NLGN1: variants seen among roughly 807,000 people sequenced by gnomAD.
NLGN1 encodes the protein neuroligin-1.
NLGN1 carries 12 observed loss-of-function variants against 65.5 expected under a neutral mutation model. That is an observed-to-expected ratio of 0.18 (90% CI 0.12 to 0.30). The LOEUF (loss-of-function observed/expected upper bound fraction) is 0.30. Ranked by LOEUF, NLGN1 falls within the 10% of genes least tolerant of loss-of-function variation. The pLI, the probability that NLGN1 is intolerant of heterozygous loss-of-function variation, is 1.00. For synonymous variants in NLGN1, 350 were observed against 359.5 expected (o/e 0.97, Z 0.30); for missense variants, 750 against 1,007.1 (o/e 0.74, Z 3.46).
In NLGN1 at chr3:173,587,338, A is replaced by T. The variant is rs577058821; in HGVS notation, c.-320-16941A>T. 4.6e-4 allele frequency among the ~76,000 whole-genome samples: 5 copies of T among 10,834 alleles called. No individual in the cohort carries two copies. The East Asian group carries it at 0.18, about 394-fold the overall frequency. 7.1% of individuals were successfully genotyped at this position (10,834 alleles called of 152,430 possible). A position where few individuals can be genotyped will look rare whatever the true frequency, so the allele number is the denominator to read the frequency against. On this transcript the variant is annotated intron_variant, in intron 2 of 6. Coordinates refer to ENST00000457714, the Ensembl canonical transcript of NLGN1. The stretch of plus-strand genomic sequence containing the variant: ...TATCCTTTGTTTCTACAAGCAGTAC[A>T]TACACAAAACTTTCAGTAAACTTTG...
intron 3 of NLGN1, among the ~76,000 whole-genome samples, chr3:173,804,336 G>C (rs1298358724): frequency 1.3e-5 from 2 of 152,000 alleles, no homozygotes; most frequent in Admixed American, 6.6e-5. Flanking sequence ...AAAGTCAGTA[G>C]ATGCTGTTTA....
intron 2 of NLGN1, among the ~76,000 whole-genome samples, chr3:173,602,991 C>T (rs937222885): frequency 2.0e-5 from 3 of 152,058 alleles, no homozygotes; most frequent in Admixed American, 2.0e-4. Flanking sequence ...ACATTTATCT[C>T]CTTATAGCCT....
chr3:173,705,556 CTAAT>C (rs954739773), intron 3 of NLGN1, among the ~76,000 whole-genome samples: 5 of 151,978 alleles, frequency 3.3e-5, no homozygotes, highest in Non-Finnish European at 7.4e-5. Context: ...AAGAAATTGG[CTAAT>C]TAAAATGTTG....
At chr3:173,553,297 A>G (rs1223812916) in intron 2 of NLGN1, among the ~76,000 whole-genome samples, 1 of 152,198 alleles carries the variant, frequency 6.6e-6, no homozygotes, top group Non-Finnish European at 1.5e-5. Flanking sequence ...CCAAGACCTA[A>G]GGAAACATCA....
At chr3:174,064,627 T>G (rs958886483) in intron 4 of NLGN1, among the ~76,000 whole-genome samples, 1 of 150,332 alleles carries the variant, frequency 6.7e-6, no homozygotes, top group African/African-American at 2.4e-5. Flanking sequence ...AATATGTATA[T>G]GTATAATAGG....
At chr3:174,284,556 TTTCA>T (rs2152898881) in exon 7 of NLGN1, 1 of 151,524 alleles carries the variant, frequency 6.6e-6, no homozygotes, top group Admixed American at 6.6e-5. Flanking sequence ...ATGAACTTTA[TTTCA>T]TTGTTTTGCT....
intron 3 of NLGN1, among the ~76,000 whole-genome samples, chr3:173,618,924 T>A (rs1753561675): frequency 6.6e-6 from 1 of 152,154 alleles, no homozygotes; most frequent in Non-Finnish European, 1.5e-5. Flanking sequence ...GTTGGATTTC[T>A]GGCAGGGCTG....
intron 4 of NLGN1, among the ~76,000 whole-genome samples, chr3:173,815,741 C>T (rs1264065755): frequency 1.3e-5 from 2 of 152,130 alleles, no homozygotes; most frequent in African/African-American, 4.8e-5. Context: ...AATGCCATCT[C>T]TATGGAAGTG....
intron 4 of NLGN1, among the ~76,000 whole-genome samples, chr3:174,216,459 T>C (rs13087413): frequency 0.62 from 94,077 of 151,966 alleles, 30,812 homozygotes; most frequent in East Asian, 0.8. Context: ...CCATCAACTA[T>C]GCAAGGTGCT....
chr3:173,528,257 T>A (rs1735978554), intron 2 of NLGN1, among the ~76,000 whole-genome samples: 1 of 152,200 alleles, frequency 6.6e-6, no homozygotes, highest in African/African-American at 2.4e-5. Flanking sequence ...GACAAAATTT[T>A]TTCTTTAAGG....
At chr3:173,647,128 C>T (rs1419559103) in intron 3 of NLGN1, among the ~76,000 whole-genome samples, 1 of 152,016 alleles carries the variant, frequency 6.6e-6, no homozygotes, top group Non-Finnish European at 1.5e-5. Context: ...GGGGTTAATC[C>T]ATCAAGAAGA....
intron 3 of NLGN1, among the ~76,000 whole-genome samples, chr3:173,707,405 A>G (rs979710295): frequency 6.6e-6 from 1 of 152,236 alleles, no homozygotes; most frequent in Non-Finnish European, 1.5e-5. Context: ...GAATAACAAT[A>G]TACTTCAAAA....
intron 4 of NLGN1, among the ~76,000 whole-genome samples, chr3:174,114,759 C>A (rs950596385): frequency 3.4e-4 from 52 of 152,008 alleles, no homozygotes; most frequent in African/African-American, 1.3e-3. Context: ...ATAGATGTAC[C>A]CAGAAAATGC....
rs142419394 is a variant in NLGN1, at chr3:173,958,359, T to C, written c.646+150527T>C. 4.0e-3 allele frequency among the ~76,000 whole-genome samples: 612 copies of C among 152,244 alleles called. 6 individuals carry two copies. The highest frequency in any genetic ancestry group is 0.014 in the African/African-American group (566 of 41,548). The stretch of plus-strand genomic sequence containing the variant: ...AATAGCTCAGGAGGGAGACCCGCAG[T>C]GGGTAGCTCATCTCCACTGGCAGGG... On this transcript the variant is annotated intron_variant, in intron 4 of 6. Transcript: ENST00000457714.
intron 4 of NLGN1, among the ~76,000 whole-genome samples, chr3:173,898,530 G>T (rs1490476537): frequency 6.6e-6 from 1 of 152,176 alleles, no homozygotes; most frequent in Non-Finnish European, 1.5e-5. Flanking sequence ...CTGGTATTAA[G>T]CATTAACCAG....
intron 3 of NLGN1, among the ~76,000 whole-genome samples, chr3:173,701,582 G>A (rs1767171766): frequency 6.6e-6 from 1 of 152,094 alleles, no homozygotes; most frequent in African/African-American, 2.4e-5. Context: ...ATACATTTCT[G>A]GTATTTTGAA....
At chr3:173,490,459 G>C (rs1347611420) in intron 2 of NLGN1, among the ~76,000 whole-genome samples, 1 of 152,124 alleles carries the variant, frequency 6.6e-6, no homozygotes, top group East Asian at 1.9e-4. Flanking sequence ...CTATATCTCT[G>C]TTTTGGTACC....
chr3:173,492,840 A>G (rs1729405378), intron 2 of NLGN1, among the ~76,000 whole-genome samples: 1 of 151,826 alleles, frequency 6.6e-6, no homozygotes, highest in Admixed American at 6.6e-5. Flanking sequence ...TGAATAAATC[A>G]TGCTAGAGAA....
intron 3 of NLGN1, among the ~76,000 whole-genome samples, chr3:173,720,999 A>G (rs1770743745): frequency 6.6e-6 from 1 of 152,214 alleles, no homozygotes; most frequent in Admixed American, 6.5e-5. Flanking sequence ...AGTCAGGTAG[A>G]AGCTTTTAGG....
Sources: gnomAD v4.1 joint callset for allele counts (sites outside exome capture counted in the v4.1 genomes callset) on GRCh38, gnomAD v4.1.1 for gene constraint, MANE v1.5 for transcripts, NCBI Gene and HGNC (gene_info 2026-07-23, HGNC 2026-07-21) for gene names.